Variants in SDHAF4 observed in about 807,000 individuals in gnomAD.
SDHAF4 encodes succinate dehydrogenase assembly factor 4, mitochondrial.
SDHAF4 carries 14 observed loss-of-function variants against 14.3 expected under a neutral mutation model. The ratio of observed to expected loss-of-function variants is 0.98; its 90% CI spans 0.65 to 1.53. The LOEUF is 1.53. Ranked by LOEUF, SDHAF4 falls within the 40% of genes most tolerant of loss-of-function variation. SDHAF4 has a pLI of 0.00. For synonymous variants in SDHAF4, 63 were observed against 47.3 expected, an observed-to-expected ratio of 1.33 and a Z score of -1.36; for missense variants, 141 against 129.3, an observed-to-expected ratio of 1.09 and a Z score of -0.44.
intron 1 of SDHAF4, among the ~76,000 whole-genome samples, chr6:70,578,517 A>C (rs1802284316): frequency 6.6e-6 from 1 of 152,106 alleles, no homozygotes; most frequent in Non-Finnish European, 1.5e-5. Context: ...CCCATCCTGT[A>C]GGTTGTATGT....
intron 1 of SDHAF4, among the ~76,000 whole-genome samples, chr6:70,574,812 C>T (rs1359875575): frequency 6.6e-6 from 1 of 152,110 alleles, no homozygotes; most frequent in Non-Finnish European, 1.5e-5. Context: ...GCTGTAGTCC[C>T]AGCTGCTGAG....
At chr6:70,597,447 C>T in the SDHAF4 span, among the ~76,000 whole-genome samples, 49 of 152,070 alleles carry the variant, frequency 3.2e-4, 1 homozygote, top group South Asian at 6.2e-4. Context: ...CCGCATCAGG[C>T]CACTGCTAGG....
chr6:70,577,256 T>C (rs1802268083), intron 1 of SDHAF4, among the ~76,000 whole-genome samples: 1 of 152,208 alleles, frequency 6.6e-6, no homozygotes, highest in Non-Finnish European at 1.5e-5. Flanking sequence ...CTTCACCGTG[T>C]AACCAAACCT....
chr6:70,578,704 A>G (rs1184320200), intron 1 of SDHAF4, among the ~76,000 whole-genome samples: 1 of 152,188 alleles, frequency 6.6e-6, no homozygotes, highest in Non-Finnish European at 1.5e-5. Context: ...GGATTCTTAC[A>G]GTTTGAGGTC....
intron 1 of SDHAF4, among the ~76,000 whole-genome samples, chr6:70,575,369 CTCTG>C (rs112368370): frequency 0.017 from 2,512 of 150,730 alleles, 56 homozygotes; most frequent in African/African-American, 0.057. Context: ...CAGAGTGAGA[CTCTG>C]TCTGAAAAAA....
chr6:70,593,874 T>G (rs1270144452), downstream of SDHAF4, among the ~76,000 whole-genome samples: 3 of 152,056 alleles, frequency 2.0e-5, no homozygotes, highest in African/African-American at 7.3e-5. Context: ...TTTGTATTTT[T>G]AATAGAGACA....
At chr6:70,593,687 T>TG (rs200721862), downstream of SDHAF4, among the ~76,000 whole-genome samples, 23,718 of 146,106 alleles carry the variant, frequency 0.16, 2,020 homozygotes, top group Middle Eastern at 0.23. Context: ...TTCAAGGGTT[T>TG]TTTTTTGTGT....
At chr6:70,576,825 G>A (rs1216829654) in intron 1 of SDHAF4, among the ~76,000 whole-genome samples, 1 of 152,108 alleles carries the variant, frequency 6.6e-6, no homozygotes, top group Non-Finnish European at 1.5e-5. Context: ...TACAGGGAAG[G>A]AAACAAAAAG....
chr6:70,588,985 A>G lies in SDHAF4; in HGVS notation c.*261A>G, dbSNP rs1765234235. 5.9e-6 allele frequency: 1 copy of G among 170,600 alleles called. No homozygotes were observed. Among genetic ancestry groups the G allele is most frequent in the African/African-American group, 2.4e-5 (1 of 41,666 alleles). The allele number at this position is 170,600 out of a possible 1,614,324, so 10.6% of individuals were successfully genotyped here. A position where few individuals can be genotyped will look rare whatever the true frequency, so the allele number is the denominator to read the frequency against. On this transcript the variant is annotated 3_prime_UTR_variant, in exon 3 of 3. Coordinates refer to ENST00000370474, the MANE Select transcript of SDHAF4 (RefSeq NM_145267.3). ...CGTGGTGGCATGCACCTGTAATCCC[A>G]ACTACTCTGGAGGCTGAGGCAGGAG...
chr6:70,581,181 C>G (rs755286640), intron 2 of SDHAF4, among the ~76,000 whole-genome samples: 1 of 151,998 alleles, frequency 6.6e-6, no homozygotes. Context: ...CAACCCCCCT[C>G]GGCCTCCCAA....
At chr6:70,598,333 G>A in the SDHAF4 span, among the ~76,000 whole-genome samples, 1 of 152,062 alleles carries the variant, frequency 6.6e-6, no homozygotes, top group African/African-American at 2.4e-5. Context: ...GAGCTGAGGT[G>A]GAGCCACTGC....
rs113227748 is a variant in SDHAF4 at position 70,584,012 on chromosome 6, G to GGTTGTT, written c.217+4471_217+4476dup. On this transcript the variant is annotated intron_variant, in intron 2 of 2. Transcript: ENST00000370474. ...CCATGTTAAATATACAGTTGAGTGAGGTTGTTGTTGTTGTTGTTGTTGTTG... is the reference window on the plus strand; with the variant it reads ...CCATGTTAAATATACAGTTGAGTGAGGTTGTTGTTGTTGTTGTTGTTGTTGTTGTTG... Among the ~76,000 whole-genome samples the GGTTGTT allele has an allele frequency of 5.5e-4, 84 of 151,448 alleles. No homozygotes were observed. The East Asian group carries it at 9.1e-3, about 16-fold the overall frequency.
intron 1 of SDHAF4, among the ~76,000 whole-genome samples, chr6:70,569,706 A>G (rs1273169379): frequency 6.6e-6 from 1 of 152,232 alleles, no homozygotes; most frequent in Non-Finnish European, 1.5e-5. Context: ...TGCAGCTTCA[A>G]TATAAAAGGT....
chr6:70,588,249 G>A (rs1459257774), intron 2 of SDHAF4, among the ~76,000 whole-genome samples: 4 of 152,166 alleles, frequency 2.6e-5, no homozygotes, highest in East Asian at 1.9e-4. Context: ...GGCTGGTCTC[G>A]GCGGCTCACG....
intron 2 of SDHAF4, among the ~76,000 whole-genome samples, chr6:70,580,291 C>T (rs181200852): frequency 8.9e-4 from 135 of 152,198 alleles, no homozygotes; most frequent in African/African-American, 3.2e-3. Context: ...ACTTCATACC[C>T]ACTAGGATGG....
At chr6:70,582,357 G>T (rs1037408959) in intron 2 of SDHAF4, among the ~76,000 whole-genome samples, 1 of 152,066 alleles carries the variant, frequency 6.6e-6, no homozygotes, top group Non-Finnish European at 1.5e-5. Context: ...GAGCCACCAC[G>T]CCCGGCTTAA....
At chr6:70,567,667 T>TTTTTTTTA (rs1802118904) in intron 1 of SDHAF4, 1 of 151,248 alleles carries the variant, frequency 6.6e-6, no homozygotes, top group Non-Finnish European at 1.5e-5. Context: ...CAAAACATAA[T>TTTTTTTTA]TTTATTTATT....
intron 1 of SDHAF4, among the ~76,000 whole-genome samples, chr6:70,572,759 C>A (rs1025981919): frequency 6.6e-6 from 1 of 151,720 alleles, no homozygotes; most frequent in African/African-American, 2.4e-5. Context: ...AGTCTCTTTA[C>A]CCTTATAATT....
chr6:70,597,473 G>A, the SDHAF4 span, among the ~76,000 whole-genome samples: 1 of 151,890 alleles, frequency 6.6e-6, no homozygotes, highest in African/African-American at 2.4e-5. Context: ...TCTATTTGGT[G>A]ATTAATGAAA....
Sources: gnomAD v4.1 joint callset for allele counts (sites outside exome capture counted in the v4.1 genomes callset) on GRCh38, gnomAD v4.1.1 for gene constraint, MANE v1.5 for transcripts, NCBI Gene and HGNC (gene_info 2026-07-23, HGNC 2026-07-21) for gene names.